The following EGFLAM variants were observed in gnomAD, a reference collection of about 807,000 sequenced individuals.
The protein encoded by EGFLAM is pikachurin.
In EGFLAM, 79 loss-of-function variants were observed where a neutral mutation model predicts 113.1. The ratio of observed to expected loss-of-function variants is 0.70; its 90% CI spans 0.58 to 0.84. The LOEUF is 0.84. Among genes scored for constraint, EGFLAM ranks in the 40% least tolerant of loss-of-function variants. The probability of loss-of-function intolerance (pLI) is 0.00; values close to 1 mark genes in which losing one functional copy is unlikely to be tolerated. For missense variants in EGFLAM, 1,265 were observed against 1,291.6 expected (o/e 0.98, Z 0.32); for synonymous variants, 504 against 487.6 (o/e 1.03, Z -0.44).
At chr5:38,312,387 G>A (rs765283163) in intron 1 of EGFLAM, among the ~76,000 whole-genome samples, 7 of 151,888 alleles carry the variant, frequency 4.6e-5, no homozygotes, top group Non-Finnish European at 1.0e-4. Context: ...GTCTACAGGC[G>A]CCTGCCACCT....
chr5:38,413,490 A>T (rs1741550525), intron 11 of EGFLAM, among the ~76,000 whole-genome samples: 1 of 148,402 alleles, frequency 6.7e-6, no homozygotes, highest in African/African-American at 2.5e-5. Context: ...GAAATGGTTA[A>T]AAAAAAAAAG....
intron 6 of EGFLAM, among the ~76,000 whole-genome samples, chr5:38,395,421 AT>A (rs1272099930): frequency 1.3e-5 from 2 of 150,606 alleles, no homozygotes; most frequent in African/African-American, 4.9e-5. Flanking sequence ...CTAATTAAAA[AT>A]TTTTTTTTCT....
Position 38,258,632 on chromosome 5 carries a change from A to T in EGFLAM, c.-123A>T. On this transcript the variant is annotated 5_prime_UTR_variant, in exon 1 of 22. Coordinates refer to ENST00000322350, the MANE Select transcript of EGFLAM (RefSeq NM_152403.4). ...CCGTGTTTCCGGGCCCAGCCCTCGC[A>T]GCCCCCCACCTCCTCGCCCCGGCCC... 1 of 1,122,566 alleles carries T rather than the reference A, an allele frequency of 8.9e-7. No individual in the cohort carries two copies. Among genetic ancestry groups the T allele is most frequent in the Non-Finnish European group, 1.3e-6 (1 of 763,266 alleles). The allele number at this position is 1,122,566 out of a possible 1,614,324, so 69.5% of individuals were successfully genotyped here.
intron 1 of EGFLAM, among the ~76,000 whole-genome samples, chr5:38,330,444 G>C (rs1013268431): frequency 1.3e-5 from 2 of 152,108 alleles, no homozygotes; most frequent in African/African-American, 4.8e-5. Flanking sequence ...GAGGCTTCCT[G>C]GTTCTGAATC....
At chr5:38,401,722 G>A (rs1017628563) in intron 6 of EGFLAM, 1 of 152,198 alleles carries the variant, frequency 6.6e-6, no homozygotes, top group East Asian at 1.9e-4. Flanking sequence ...GAAAGGATAT[G>A]AAGAAATCTA....
At chr5:38,376,586 TC>T (rs1309334793) in intron 6 of EGFLAM, among the ~76,000 whole-genome samples, 1 of 152,188 alleles carries the variant, frequency 6.6e-6, no homozygotes, top group African/African-American at 2.4e-5. Context: ...ACCTGCTGTT[TC>T]CTGGGCTTTG....
intron 18 of EGFLAM, among the ~76,000 whole-genome samples, chr5:38,449,935 T>C (rs1353147394): frequency 6.6e-6 from 1 of 152,212 alleles, no homozygotes; most frequent in Admixed American, 6.5e-5. Context: ...TATTTCTTGC[T>C]TGCTGTCCTC....
At chr5:38,456,240 C>T (rs978696240) in intron 19 of EGFLAM, among the ~76,000 whole-genome samples, 5 of 152,054 alleles carry the variant, frequency 3.3e-5, no homozygotes, top group African/African-American at 7.2e-5. Flanking sequence ...TTATTATCCC[C>T]GTTTGACAGA....
At chr5:38,377,806 A>G (rs1360169661) in intron 6 of EGFLAM, among the ~76,000 whole-genome samples, 3 of 152,230 alleles carry the variant, frequency 2.0e-5, no homozygotes, top group African/African-American at 7.2e-5. Flanking sequence ...GGCTGTAAGG[A>G]TGAGATTCTA....
intron 6 of EGFLAM, among the ~76,000 whole-genome samples, chr5:38,370,938 G>T (rs887268441): frequency 6.6e-6 from 1 of 152,334 alleles, no homozygotes; most frequent in African/African-American, 2.4e-5. Context: ...CTGACATGGA[G>T]CTGGGGCTGT....
chr5:38,271,433 G>T (rs1023887875), intron 1 of EGFLAM, among the ~76,000 whole-genome samples: 7 of 152,068 alleles, frequency 4.6e-5, no homozygotes, highest in Admixed American at 3.3e-4. Context: ...GCTCACTACT[G>T]CTTTCCAAAC....
At chr5:38,463,144 T>C (rs1255836318) in intron 21 of EGFLAM, 133 bp downstream of exon 21, 4 of 816,842 alleles carry the variant, frequency 4.9e-6, no homozygotes. Flanking sequence ...AGATATTCCA[T>C]TCCTTCATTT....
intron 20 of EGFLAM, chr5:38,462,621 T>C (rs944578675): frequency 3.2e-6 from 1 of 310,486 alleles, no homozygotes. Flanking sequence ...TAGTCTAAGT[T>C]AGGCGCTGCT....
intron 14 of EGFLAM, among the ~76,000 whole-genome samples, chr5:38,429,295 A>G (rs558503235): frequency 2.4e-4 from 36 of 152,366 alleles, no homozygotes; most frequent in Non-Finnish European, 2.5e-4. Flanking sequence ...CCACTTAAAA[A>G]GGGCTGCTTA....
chr5:38,367,690 G>A (rs1345011720), intron 5 of EGFLAM, among the ~76,000 whole-genome samples: 1 of 152,134 alleles, frequency 6.6e-6, no homozygotes, highest in Non-Finnish European at 1.5e-5. Flanking sequence ...TTAGGATAAA[G>A]TGATTTTCTT....
At chr5:38,454,425 T>C (rs186432562) in intron 19 of EGFLAM, among the ~76,000 whole-genome samples, 49 of 152,186 alleles carry the variant, frequency 3.2e-4, no homozygotes, top group African/African-American at 1.1e-3. Flanking sequence ...GGGTTCGCTG[T>C]AAAGATTAAA....
At chr5:38,395,902 T>A (rs1431725155) in intron 6 of EGFLAM, among the ~76,000 whole-genome samples, 3 of 152,162 alleles carry the variant, frequency 2.0e-5, no homozygotes, top group Non-Finnish European at 4.4e-5. Context: ...TATCTTTTCA[T>A]CTTTGCTTTT....
intron 1 of EGFLAM, among the ~76,000 whole-genome samples, chr5:38,299,622 C>T (rs559774041): frequency 1.3e-5 from 2 of 152,160 alleles, no homozygotes; most frequent in Non-Finnish European, 2.9e-5. Flanking sequence ...AGTAGAAACT[C>T]CTGTGTTGGG....
At chr5:38,334,856 T>C (rs1223687157) in intron 1 of EGFLAM, among the ~76,000 whole-genome samples, 1 of 152,236 alleles carries the variant, frequency 6.6e-6, no homozygotes, top group Non-Finnish European at 1.5e-5. Context: ...TAGAAATCTT[T>C]AAAATATTCA....
Sources: allele counts gnomAD v4.1 joint callset (sites outside exome capture counted in the v4.1 genomes callset), GRCh38; gene constraint gnomAD v4.1.1; transcripts MANE v1.5; gene names NCBI Gene and HGNC (gene_info 2026-07-23, HGNC 2026-07-21).